Variants in FGD5 observed in about 807,000 individuals in gnomAD.
FGD5 encodes the protein FYVE, RhoGEF and PH domain containing 5.
In FGD5, 28 loss-of-function variants were observed where a neutral mutation model predicts 133.4. The observed-to-expected ratio is 0.21, with a 90% CI of 0.16 to 0.29. FGD5 has a LOEUF of 0.29. Ranked by LOEUF, FGD5 falls within the 10% of genes least tolerant of loss-of-function variation. FGD5 has a pLI of 1.00. For synonymous variants in FGD5, 810 were observed against 776.5 expected (o/e 1.04, Z -0.72); for missense variants, 1,858 against 1,895.2 (o/e 0.98, Z 0.36).
At chr3:14,889,569 A>AT (rs2037987113) in intron 4 of FGD5, among the ~76,000 whole-genome samples, 2 of 152,314 alleles carry the variant, frequency 1.3e-5, no homozygotes, top group African/African-American at 4.8e-5. Context: ...CAGGAGAGGA[A>AT]TTGCAGAGTC....
intron 2 of FGD5, among the ~76,000 whole-genome samples, chr3:14,876,545 TAAAC>T (rs1191627621): frequency 1.3e-5 from 2 of 152,072 alleles, no homozygotes; most frequent in East Asian, 3.9e-4. Flanking sequence ...AATAAATAAA[TAAAC>T]CACCCTGTTT....
At chr3:14,829,547 T>C (rs1281958491) in intron 1 of FGD5, among the ~76,000 whole-genome samples, 1 of 152,228 alleles carries the variant, frequency 6.6e-6, no homozygotes, top group Non-Finnish European at 1.5e-5. Context: ...GTTGATGAAC[T>C]CCAGGGCTAG....
At chr3:14,882,248 G>A (rs1559491964) in intron 4 of FGD5, 1 of 969,998 alleles carries the variant, frequency 1.0e-6, no homozygotes, top group Non-Finnish European at 1.2e-6. Context: ...GCATGACAGA[G>A]GGGCTGGGCA....
chr3:14,932,847 T>C, intron 19 of FGD5, 116 bp downstream of exon 19: 1 of 1,254,612 alleles, frequency 8.0e-7, no homozygotes, highest in Non-Finnish European at 1.1e-6. Flanking sequence ...TAGGTCCCTT[T>C]GGGCCATAGC....
chr3:14,918,369 G>A (rs1179788589), intron 12 of FGD5, among the ~76,000 whole-genome samples: 3 of 152,200 alleles, frequency 2.0e-5, no homozygotes, highest in Admixed American at 2.0e-4. Flanking sequence ...CATGGGGAAG[G>A]GGAAGGAGGA....
chr3:14,831,167 G>C (rs1559472251), intron 1 of FGD5, among the ~76,000 whole-genome samples: 1 of 152,306 alleles, frequency 6.6e-6, no homozygotes, highest in East Asian at 1.9e-4. Flanking sequence ...GGGGTTCGTA[G>C]AGAGGTAAGG....
chr3:14,880,505 A>C, intron 2 of FGD5, 67 bp from the exon 3 acceptor site: 4 of 1,512,606 alleles, frequency 2.6e-6, no homozygotes, highest in Non-Finnish European at 3.6e-6. Flanking sequence ...TGCCTCCAGC[A>C]GCATGGTGGC....
upstream of FGD5, among the ~76,000 whole-genome samples, chr3:14,815,451 C>T (rs989433587): frequency 6.6e-6 from 1 of 152,070 alleles, no homozygotes; most frequent in Non-Finnish European, 1.5e-5. Flanking sequence ...TATCTCCCAC[C>T]ACCTCTCAAT....
intron 2 of FGD5, among the ~76,000 whole-genome samples, chr3:14,878,165 C>G (rs906903824): frequency 2.0e-5 from 3 of 152,144 alleles, no homozygotes; most frequent in African/African-American, 7.2e-5. Flanking sequence ...GGCCCTGAGT[C>G]AGGAAGGCAT....
chr3:14,854,351 C>T (rs945223488), intron 1 of FGD5, among the ~76,000 whole-genome samples: 4 of 152,054 alleles, frequency 2.6e-5, no homozygotes, highest in African/African-American at 9.7e-5. Context: ...ATTCAGGGTA[C>T]AACAGACCAC....
intron 2 of FGD5, among the ~76,000 whole-genome samples, chr3:14,878,489 C>T (rs293922): frequency 0.14 from 21,896 of 152,166 alleles, 1,909 homozygotes; most frequent in East Asian, 0.39. Flanking sequence ...ACAAAAACAA[C>T]AAGGATAATG....
At chr3:14,895,165 T>C (rs1447904936) in intron 4 of FGD5, among the ~76,000 whole-genome samples, 2 of 152,216 alleles carry the variant, frequency 1.3e-5, no homozygotes, top group Non-Finnish European at 2.9e-5. Flanking sequence ...GGGTTGTCTC[T>C]TTGTTGATTG....
chr3:14,893,468 C>T (rs1575237613), intron 4 of FGD5, among the ~76,000 whole-genome samples: 2 of 152,276 alleles, frequency 1.3e-5, no homozygotes, highest in African/African-American at 4.8e-5. Flanking sequence ...CTTCCTGCTT[C>T]AGCAAATACC....
intron 9 of FGD5, among the ~76,000 whole-genome samples, chr3:14,906,664 C>G (rs2038348356): frequency 6.6e-6 from 1 of 152,244 alleles, no homozygotes; most frequent in African/African-American, 2.4e-5. Context: ...AAACTGGCAC[C>G]AGCCCACACC....
In FGD5 at chr3:14,917,458, T is replaced by C. The variant is rs1208575983; in HGVS notation, c.3489+126T>C. Reference sequence around the variant, plus strand: ...AGAGGGAGGCCCTGCGGAAACAGTGTTGGGCTACAGCAAGTTTGTGCTGTA... The same window carrying C: ...AGAGGGAGGCCCTGCGGAAACAGTGCTGGGCTACAGCAAGTTTGTGCTGTA... On this transcript the variant is annotated intron_variant, in intron 12 of 19. Transcript: ENST00000285046. This position sits in a 1 kb window ranked among gnomAD's most constrained non-coding sequence, Gnocchi z 4.1. 1 of 827,358 alleles carries C rather than the reference T, an allele frequency of 1.2e-6. No individual in the cohort carries two copies. The highest frequency in any genetic ancestry group is 1.7e-5 in the South Asian group (1 of 57,486). The allele number at this position is 827,358 out of a possible 1,614,324, so 51.3% of individuals were successfully genotyped here. A position where few individuals can be genotyped will look rare whatever the true frequency, so the allele number is the denominator to read the frequency against.
At chr3:14,874,205 G>A (rs538923438) in intron 2 of FGD5, among the ~76,000 whole-genome samples, 2 of 152,308 alleles carry the variant, frequency 1.3e-5, no homozygotes, top group Non-Finnish European at 2.9e-5. Context: ...AATACTGCAT[G>A]AGTGCACTTA....
chr3:14,817,331 G>A (rs1026370822), upstream of FGD5, among the ~76,000 whole-genome samples: 2 of 152,116 alleles, frequency 1.3e-5, no homozygotes, highest in Admixed American at 1.3e-4. Context: ...GAGTAGCTGA[G>A]ACTACAGGCG....
intron 2 of FGD5, among the ~76,000 whole-genome samples, chr3:14,874,025 C>T (rs2729696): frequency 0.16 from 21,786 of 135,612 alleles, 1,879 homozygotes; most frequent in East Asian, 0.42. Flanking sequence ...CCCAGCCAGA[C>T]CTACACTCTT....
rs1575184560 is a variant in FGD5 at position 14,818,964 on chromosome 3, A to G, written c.-108A>G. ...CTATTTTTGTCATCTAGATTCACCA[A>G]AACCACCTGTCGCTCCCAAGCCAAA... On this transcript the variant is annotated 5_prime_UTR_variant, in exon 1 of 20. Coordinates refer to ENST00000285046, the MANE Select transcript of FGD5 (RefSeq NM_152536.4). 3 of 1,446,012 alleles carry G rather than the reference A, an allele frequency of 2.1e-6. No homozygotes were observed. In the East Asian group the frequency reaches 7.6e-5, roughly 37 times the overall value. 89.6% of individuals were successfully genotyped at this position (1,446,012 alleles called of 1,614,324 possible).
Sources: gnomAD v4.1 joint callset for allele counts (sites outside exome capture counted in the v4.1 genomes callset) on GRCh38, gnomAD v4.1.1 for gene constraint, Gnocchi (gnomAD v3.1) non-coding constraint, MANE v1.5 for transcripts, NCBI Gene and HGNC (gene_info 2026-07-23, HGNC 2026-07-21) for gene names.